The following EXTL3 variants were observed in gnomAD, a reference collection of about 807,000 sequenced individuals.
EXTL3 encodes the protein exostosin-like 3.
Under a neutral mutation model 69.3 loss-of-function variants are expected in EXTL3, and 27 were observed. That is an observed-to-expected ratio of 0.39 (90% CI 0.29 to 0.54). EXTL3 has a LOEUF of 0.54. Ranked by LOEUF, EXTL3 falls within the 20% of genes least tolerant of loss-of-function variation. EXTL3 has a pLI of 0.69. For synonymous variants in EXTL3, 511 were observed against 499.4 expected (o/e 1.02, Z -0.31); for missense variants, 1,003 against 1,231.8 (o/e 0.81, Z 2.78).
chr8:28,744,808 AC>A (rs1563225308), intron 6 of EXTL3, among the ~76,000 whole-genome samples: 9 of 143,930 alleles, frequency 6.3e-5, no homozygotes, highest in African/African-American at 2.3e-4. Context: ...AAAAAAAAAT[AC>A]ACACACACGC....
Position 28,716,891 on chromosome 8 carries a change from C to G in EXTL3, c.832C>G (p.Leu278Val). The G allele has an allele frequency of 6.2e-7, 1 of 1,614,228 alleles. No homozygotes were observed. The highest frequency in any genetic ancestry group is 8.5e-7 in the Non-Finnish European group (1 of 1,180,048). The change falls in exon 3 of 7, where the codon CTG becomes GTG. Residue 278 changes from leucine to valine, a missense_variant. Leu to Val is a conservative substitution (Grantham distance 32). Around this residue, in one of 2 missense-constraint regions of EXTL3, gnomAD observed 742 missense variants for 815.4 expected, o/e 0.91. Transcript: ENST00000220562. This position sits in a 1 kb window ranked among gnomAD's most constrained non-coding sequence, Gnocchi z 7.1. ...TDGHNHVIIN[L>V]SRKSDTQNLL... The stretch of plus-strand genomic sequence containing the variant: ...TGGACACAACCATGTCATCATCAAT[C>G]TGTCACGTAAGTCAGATACACAGAA...
In EXTL3 at chr8:28,753,610, C is replaced by T. The variant is rs1261111359; in HGVS notation, c.*2744C>T. ...ATCCATGCCACGTCCATCCACCCCA[C>T]CCCTTTTCGTCACGAGCACAATGGT... is the stretch of plus-strand genomic sequence containing the variant. On this transcript the variant is annotated 3_prime_UTR_variant, in exon 7 of 7. Transcript: ENST00000220562. 1 of 152,680 alleles carries T rather than the reference C, an allele frequency of 6.5e-6. No homozygotes were observed. Among genetic ancestry groups the T allele is most frequent in the Non-Finnish European group, 1.5e-5 (1 of 68,080 alleles). 9.5% of individuals were successfully genotyped at this position (152,680 alleles called of 1,614,324 possible).
intron 5 of EXTL3, chr8:28,741,314 T>A (rs572686173): frequency 4.4e-4 from 67 of 152,392 alleles, no homozygotes; most frequent in African/African-American, 1.5e-3. Flanking sequence ...GCAGTTCTTA[T>A]TGTTAAAATG....
chr8:28,716,807 G>A lies in EXTL3; in HGVS notation c.748G>A (p.Val250Met). The change falls in exon 3 of 7, where the codon GTG becomes ATG. Residue 250 changes from valine (V) to methionine (M), a missense_variant. This residue lies in a region of EXTL3 where 742 missense variants were observed against 815.4 expected (regional missense o/e 0.91). Coordinates refer to ENST00000220562, the MANE Select transcript of EXTL3 (RefSeq NM_001440.4). This position sits in a 1 kb window ranked among gnomAD's most constrained non-coding sequence, Gnocchi z 7.1. ...ILVGEMQEPV[V>M]LRPAELEKQL... is the part of the protein sequence containing the mutation. ...AGTGGGAGAGATGCAGGAGCCGGTG[G>A]TGCTGCGGCCTGCTGAGCTGGAGAA... 6.2e-7 allele frequency: 1 copy of A among 1,614,238 alleles called. No homozygotes were observed. Among genetic ancestry groups the A allele is most frequent in the Non-Finnish European group, 8.5e-7 (1 of 1,180,046 alleles).
chr8:28,625,097 C>T (rs578004146), intron 1 of EXTL3, among the ~76,000 whole-genome samples: 33 of 152,312 alleles, frequency 2.2e-4, no homozygotes, highest in African/African-American at 7.7e-4. Flanking sequence ...TACAGACCGG[C>T]ACTTAGAGGA....
chr8:28,616,488 G>A (rs889010724), intron 2 of EXTL3, among the ~76,000 whole-genome samples: 18 of 152,284 alleles, frequency 1.2e-4, no homozygotes, highest in South Asian at 8.3e-4. Context: ...TTAGCAGGGC[G>A]TGGTGGCGGG....
At chr8:28,633,739 T>C (rs1806609708) in intron 1 of EXTL3, among the ~76,000 whole-genome samples, 1 of 152,240 alleles carries the variant, frequency 6.6e-6, no homozygotes, top group Non-Finnish European at 1.5e-5. Context: ...GTTTACATGC[T>C]GTCTAAAGAT....
chr8:28,676,649 A>G (rs549429050), intron 1 of EXTL3, among the ~76,000 whole-genome samples: 1 of 152,226 alleles, frequency 6.6e-6, no homozygotes, highest in South Asian at 2.1e-4. Flanking sequence ...AACCAAATCA[A>G]CCTTTGGTGG....
At chr8:28,665,063 CTTTTTT>C (rs1222832851) in intron 1 of EXTL3, among the ~76,000 whole-genome samples, 11 of 62,406 alleles carry the variant, frequency 1.8e-4, no homozygotes, top group African/African-American at 3.2e-4. Context: ...TTTTCCTTTA[CTTTTTT>C]TTTTTTTTTT....
At chr8:28,694,387 T>A (rs554744251) in intron 1 of EXTL3, among the ~76,000 whole-genome samples, 1 of 152,262 alleles carries the variant, frequency 6.6e-6, no homozygotes, top group Non-Finnish European at 1.5e-5. Context: ...GCCGATCTTT[T>A]GTATCATTTC....
At chr8:28,652,025 TTGTGTGTGTGTGTCTGTGTGTG>T (rs1806929801) in intron 1 of EXTL3, among the ~76,000 whole-genome samples, 1 of 151,296 alleles carries the variant, frequency 6.6e-6, no homozygotes. Context: ...TAATATTCCA[TTGTGTGTGTGTGTCTGTGTGTG>T]TGTGTGTGTG....
At chr8:28,744,441 TG>T (rs1489003673) in intron 6 of EXTL3, among the ~76,000 whole-genome samples, 1 of 151,978 alleles carries the variant, frequency 6.6e-6, no homozygotes, top group Non-Finnish European at 1.5e-5. Flanking sequence ...GCGGATCACT[TG>T]AGGTCAGGAG....
intron 3 of EXTL3, among the ~76,000 whole-genome samples, chr8:28,725,271 TAGG>T (rs1801389520): frequency 6.6e-6 from 1 of 152,026 alleles, no homozygotes; most frequent in Admixed American, 6.5e-5. Flanking sequence ...TCCTTTGTGA[TAGG>T]AGAAGGTCAA....
chr8:28,727,419 T>C (rs1801437378), intron 3 of EXTL3, among the ~76,000 whole-genome samples: 1 of 152,208 alleles, frequency 6.6e-6, no homozygotes, highest in African/African-American at 2.4e-5. Context: ...CACTTTGATA[T>C]TTGACCTCCA....
At chr8:28,674,455 G>A (rs1225920935) in intron 1 of EXTL3, among the ~76,000 whole-genome samples, 1 of 152,216 alleles carries the variant, frequency 6.6e-6, no homozygotes, top group Non-Finnish European at 1.5e-5. Flanking sequence ...CTGGTGGAAG[G>A]AAAGGATGAG....
chr8:28,624,916 T>C (rs967726737), intron 1 of EXTL3, among the ~76,000 whole-genome samples: 1 of 152,092 alleles, frequency 6.6e-6, no homozygotes, highest in African/African-American at 2.4e-5. Flanking sequence ...ACTAAAAAAA[T>C]AAGCAGATCA....
upstream of EXTL3, among the ~76,000 whole-genome samples, chr8:28,619,399 T>C (rs950353646): frequency 2.0e-5 from 3 of 150,100 alleles, no homozygotes; most frequent in Non-Finnish European, 4.4e-5. Context: ...GAAGGGTGTT[T>C]TCCTCCCGCC....
At chr8:28,619,425 C>T (rs1334601710), upstream of EXTL3, among the ~76,000 whole-genome samples, 1 of 151,698 alleles carries the variant, frequency 6.6e-6, no homozygotes, top group Non-Finnish European at 1.5e-5. Context: ...ATTCGGATTG[C>T]CTCTCTTTTG....
chr8:28,628,074 A>G (rs527777803), intron 1 of EXTL3, among the ~76,000 whole-genome samples: 1 of 152,328 alleles, frequency 6.6e-6, no homozygotes, highest in Non-Finnish European at 1.5e-5. Context: ...AAAATGGTTA[A>G]GATAAGCCAA....
Sources: gnomAD v4.1 joint callset for allele counts (sites outside exome capture counted in the v4.1 genomes callset) on GRCh38, gnomAD v4.1.1 for gene constraint, gnomAD v4.1.1 regional missense constraint, Gnocchi (gnomAD v3.1) non-coding constraint, MANE v1.5 for transcripts, NCBI Gene and HGNC (gene_info 2026-07-23, HGNC 2026-07-21) for gene names.